ZNF836: variants seen among roughly 807,000 people sequenced by gnomAD.
ZNF836 encodes the protein zinc finger protein 836.
In ZNF836, 12 loss-of-function variants were observed where a neutral mutation model predicts 7.4. That is an observed-to-expected ratio of 1.61 (90% CI 1.03 to 2.61). ZNF836 has a LOEUF of 2.61. Among genes scored for constraint, ZNF836 ranks in the 30% most tolerant of loss-of-function variants. ZNF836 has a pLI of 0.00. For synonymous variants in ZNF836, 365 were observed against 382.6 expected (o/e 0.95, Z 0.54); for missense variants, 998 against 1,126.2 (o/e 0.89, Z 1.63).
At chr19:52,159,184 A>G (rs1250177419) in intron 4 of ZNF836, among the ~76,000 whole-genome samples, 1 of 152,220 alleles carries the variant, frequency 6.6e-6, no homozygotes, top group Non-Finnish European at 1.5e-5. Context: ...CATTAAGTTA[A>G]AGCTAATATG....
In ZNF836 at chr19:52,167,433, T is replaced by C. The variant is rs538042793; in HGVS notation, c.15+625A>G. On this transcript the variant is annotated intron_variant, in intron 3 of 4. Coordinates refer to ENST00000682614, the MANE Select transcript of ZNF836 (RefSeq NM_001102657.3). ...GTTGCAGTGAGCCGAGATCACACCA[T>C]TGCCCTCCAGCCTGGGCAACAAGAA... Among the ~76,000 whole-genome samples, 7 of 137,326 alleles carry C rather than the reference T, an allele frequency of 5.1e-5. No homozygotes were observed. The East Asian group carries it at 1.4e-3, about 28-fold the overall frequency. 90.1% of individuals were successfully genotyped at this position (137,326 alleles called of 152,430 possible).
intron 3 of ZNF836, among the ~76,000 whole-genome samples, chr19:52,162,195 C>A (rs76296525): frequency 6.6e-6 from 1 of 152,322 alleles, no homozygotes; most frequent in Non-Finnish European, 1.5e-5. Context: ...AATCACATAC[C>A]GGTGACTCTA....
chr19:52,170,989 C>T (rs559984971), intron 1 of ZNF836, among the ~76,000 whole-genome samples: 3 of 152,144 alleles, frequency 2.0e-5, no homozygotes, highest in Non-Finnish European at 4.4e-5. Flanking sequence ...CGAAAGGACC[C>T]GGCGTGAGGA....
At position 52,154,653 on chromosome 19, in the gene ZNF836, C is replaced by T. The variant is rs759402350; in HGVS notation, c.*219G>A. The T allele has an allele frequency of 2.8e-5, 11 of 390,558 alleles. No individual in the cohort carries two copies. Among genetic ancestry groups the T allele is most frequent in the Non-Finnish European group, 4.5e-5 (10 of 220,658 alleles). The allele number at this position is 390,558 out of a possible 1,614,324, so 24.2% of individuals were successfully genotyped here. The stretch of plus-strand genomic sequence containing the variant: ...CCAGCCTGGCGACAGAGAGAGACTC[C>T]GTCTCAAAAAAGCAAAACAAACAAA... On this transcript the variant is annotated 3_prime_UTR_variant, in exon 5 of 5. Transcript: ENST00000682614.
chr19:52,163,602 G>A lies in ZNF836; in HGVS notation c.16-3011C>T, dbSNP rs370443210. 9.7e-4 allele frequency among the ~76,000 whole-genome samples: 148 copies of A among 152,228 alleles called. 2 individuals are homozygous for A. The South Asian group carries it at 0.018, about 18-fold the overall frequency. On this transcript the variant is annotated intron_variant, in intron 3 of 4. Coordinates refer to ENST00000682614, the MANE Select transcript of ZNF836 (RefSeq NM_001102657.3). The stretch of plus-strand genomic sequence containing the variant: ...ATCCTGGCCAACATGGTGAAACCCC[G>A]TCTCTACTGAAAATTCAAGATGAGA...
chr19:52,162,569 A>T (rs2089222085), intron 3 of ZNF836, among the ~76,000 whole-genome samples: 1 of 152,198 alleles, frequency 6.6e-6, no homozygotes, highest in South Asian at 2.1e-4. Context: ...AAGAGAGTAT[A>T]TTTGGAAGAA....
At position 52,161,887 on chromosome 19, in the gene ZNF836, G is replaced by C. The variant is rs2089215709; in HGVS notation, c.16-1296C>G. On this transcript the variant is annotated intron_variant, in intron 3 of 4. Coordinates refer to ENST00000682614, the MANE Select transcript of ZNF836 (RefSeq NM_001102657.3). The surrounding 1 kb of genome is among the most constrained non-coding windows in gnomAD (Gnocchi z 4.1). The stretch of plus-strand genomic sequence containing the variant: ...GCTTTCTAGTTGTGAACCTATGAAA[G>C]CAAACGAGTTATGTGCTTCCAAAAT... Among the ~76,000 whole-genome samples, 1 of 152,136 alleles carries C rather than the reference G, an allele frequency of 6.6e-6. No individual in the cohort carries two copies. The highest frequency in any genetic ancestry group is 1.5e-5 in the Non-Finnish European group (1 of 68,032).
In ZNF836 at chr19:52,157,421, A is replaced by T. The variant is rs374838383; in HGVS notation, c.262T>A (p.Leu88Ile). 3.0e-5 allele frequency: 49 copies of T among 1,607,436 alleles called. No homozygotes were observed. The highest frequency in any genetic ancestry group is 4.2e-5 in the Non-Finnish European group (49 of 1,178,452). The change falls in exon 5 of 5, where the codon TTA (leucine) becomes ATA (isoleucine). Residue 88 changes from leucine to isoleucine, a missense_variant. By Grantham distance (5) the Leu-to-Ile change is conservative. Transcript: ENST00000682614. ...TGTAGATTTTTCTGGATTTCCCTTA[A>T]GTAAAAATTTTCAACATCATAACAT... Reference protein sequence around the residue: ...HECYDVENFYLREIQKNLQDL... With the variant: ...HECYDVENFYIREIQKNLQDL...
rs2089171651 is a variant in ZNF836, at chr19:52,157,149, T to G, written c.534A>C (p.Ser178=). The G allele has an allele frequency of 6.2e-7, 1 of 1,613,054 alleles. No homozygotes were observed. Among genetic ancestry groups the G allele is most frequent in the Admixed American group, 1.7e-5 (1 of 59,926 alleles). The change falls in exon 5 of 5, where the codon TCA becomes TCC. Residue 178 remains serine, a synonymous_variant. Transcript: ENST00000682614. The part of the protein sequence containing the change: ...EKTVNNSSLV[S]PLQRILPSVQ... The stretch of plus-strand genomic sequence containing the variant: ...CACTAGGAAGAATTCTTTGAAGTGG[T>G]GAAACTAGGGAACTGTTATTAACTG...
chr19:52,155,406 A>C lies in ZNF836; in HGVS notation c.2277T>G (p.Phe759Leu), dbSNP rs2089144023. 1 of 1,613,956 alleles carries C rather than the reference A, an allele frequency of 6.2e-7. No individual in the cohort carries two copies. Among genetic ancestry groups the C allele is most frequent in the African/African-American group, 1.3e-5 (1 of 74,892 alleles). Residue 759 changes from phenylalanine to leucine, a missense_variant, in exon 5 of 5, where the codon TTT becomes TTG. By Grantham distance (22) the Phe-to-Leu change is conservative (BLOSUM62 0). Coordinates refer to ENST00000682614, the MANE Select transcript of ZNF836 (RefSeq NM_001102657.3). Reference sequence around the variant, plus strand: ...GCCTTGCAAGGTTCGAAGTGGAATTAAAGACCTGGCCACATTCAATACATT... The same window carrying C: ...GCCTTGCAAGGTTCGAAGTGGAATTCAAGACCTGGCCACATTCAATACATT... ...PYKCIECGQVFNSTSNLARHR... is the reference protein window; with the variant it reads ...PYKCIECGQVLNSTSNLARHR...
chr19:52,168,063 T>G lies in ZNF836; in HGVS notation c.10A>C (p.Thr4Pro). The part of the protein sequence containing the change: MAL[T>P]QGPLTFRDVA... Reference sequence around the variant, plus strand: ...CACTAAGAATATCATTTTACCTGTGTAAGAGCCATCCCTGACTCCTTTTCT... The same window carrying G: ...CACTAAGAATATCATTTTACCTGTGGAAGAGCCATCCCTGACTCCTTTTCT... The change falls in exon 3 of 5, where the codon ACA becomes CCA. Residue 4 changes from threonine to proline, a missense_variant. Transcript: ENST00000682614. 1 of 1,608,888 alleles carries G rather than the reference T, an allele frequency of 6.2e-7. No individual in the cohort carries two copies. Among genetic ancestry groups the G allele is most frequent in the South Asian group, 1.1e-5 (1 of 90,882 alleles).
At chr19:52,165,431 T>A (rs931709385) in intron 3 of ZNF836, 2 of 152,208 alleles carry the variant, frequency 1.3e-5, no homozygotes, top group African/African-American at 4.8e-5. Context: ...TTTATTAACA[T>A]AAAAATATGT....
At chr19:52,169,081 GT>G (rs1336352169) in intron 2 of ZNF836, among the ~76,000 whole-genome samples, 1 of 152,166 alleles carries the variant, frequency 6.6e-6, no homozygotes, top group Non-Finnish European at 1.5e-5. Flanking sequence ...AGTTTGGAAA[GT>G]TTTTGAAAAA....
chr19:52,170,933 G>GT (rs984675844), intron 1 of ZNF836, among the ~76,000 whole-genome samples: 1 of 152,190 alleles, frequency 6.6e-6, no homozygotes, highest in Non-Finnish European at 1.5e-5. Context: ...CTCCCCCAAG[G>GT]GGGGGATCGA....
At chr19:52,160,380 T>A in intron 4 of ZNF836, 85 bp downstream of exon 4, 1 of 1,571,528 alleles carries the variant, frequency 6.4e-7, no homozygotes, top group Non-Finnish European at 8.7e-7. Context: ...AGTCAAATAA[T>A]GGAAGGGCTC....
intron 2 of ZNF836, 75 bp from the exon 3 acceptor site, chr19:52,168,227 G>C: frequency 1.1e-6 from 1 of 928,898 alleles, no homozygotes; most frequent in Non-Finnish European, 1.6e-6. Context: ...TGCCCACAGG[G>C]AAGACCTCAG....
intron 1 of ZNF836, 105 bp from the exon 2 acceptor site, chr19:52,169,886 G>A (rs1322306850): frequency 6.6e-6 from 1 of 151,766 alleles, no homozygotes; most frequent in Non-Finnish European, 1.5e-5. Flanking sequence ...CCCCATCCCA[G>A]GGAAGAAAAG....
At chr19:52,170,154 G>A (rs1419793347) in intron 1 of ZNF836, among the ~76,000 whole-genome samples, 1 of 151,450 alleles carries the variant, frequency 6.6e-6, no homozygotes, top group Non-Finnish European at 1.5e-5. Context: ...ACTATTGTGT[G>A]TGTCCCTCTC....
rs768392644 is a variant in ZNF836, at chr19:52,157,229, G to T, written c.454C>A (p.Leu152Met). Residue 152 changes from leucine to methionine, a missense_variant, in exon 5 of 5, where the codon CTG becomes ATG. By Grantham distance (15) the Leu-to-Met change is conservative. Transcript: ENST00000682614. ...TTCCCTTCAGTTTGAAATTTCTGCA[G>T]TTCAGTCAGACGTGACTGAAAGCTT... Reference protein sequence around the residue: ...TLSFQSRLTELQKFQTEGKIY... With the variant: ...TLSFQSRLTEMQKFQTEGKIY... 67 of 1,610,322 alleles carry T rather than the reference G, an allele frequency of 4.2e-5. No homozygotes were observed. Among genetic ancestry groups the T allele is most frequent in the Non-Finnish European group, 5.3e-5 (63 of 1,177,774 alleles).
Sources: allele counts gnomAD v4.1 joint callset (sites outside exome capture counted in the v4.1 genomes callset), GRCh38; gene constraint gnomAD v4.1.1; non-coding constraint Gnocchi (gnomAD v3.1); transcripts MANE v1.5; gene names NCBI Gene and HGNC (gene_info 2026-07-23, HGNC 2026-07-21).